NEUROD1: variants seen among roughly 807,000 people sequenced by gnomAD.
NEUROD1 encodes the protein neuronal differentiation 1.
A neutral mutation model predicts 21.8 loss-of-function variants in NEUROD1; 9 were observed. The observed-to-expected ratio is 0.41, with a 90% confidence interval of 0.25 to 0.72. The LOEUF is 0.72. Ranked by LOEUF, NEUROD1 falls within the 30% of genes least tolerant of loss-of-function variation. The pLI, the probability that NEUROD1 is intolerant of heterozygous loss-of-function variation, is 0.31. For synonymous variants in NEUROD1, 199 were observed against 186.2 expected (o/e 1.07, Z -0.56); for missense variants, 434 against 468.8 (o/e 0.93, Z 0.69).
downstream of NEUROD1, among the ~76,000 whole-genome samples, chr2:181,669,123 G>A (rs995364278): frequency 3.9e-5 from 6 of 151,978 alleles, no homozygotes; most frequent in Admixed American, 6.6e-5. Context: ...CCTCAATTTC[G>A]TCTTCACTAT....
In NEUROD1 at chr2:181,680,287, A is replaced by G. The variant is rs577229239; in HGVS notation, c.-12+143T>C. 2.0e-5 allele frequency: 3 copies of G among 152,360 alleles called. No individual in the cohort carries two copies. The East Asian group carries it at 5.8e-4, about 29-fold the overall frequency. The allele number at this position is 152,360 out of a possible 1,614,324, so 9.4% of individuals were successfully genotyped here. A position where few individuals can be genotyped will look rare whatever the true frequency, so the allele number is the denominator to read the frequency against. ...GTGACACGACTCATTATGTGTGAGT[A>G]CTTATGGGCAATTATGGAGGGGGAT... On this transcript the variant is annotated intron_variant, in intron 1 of 1. Transcript: ENST00000295108.
Position 181,677,565 on chromosome 2 carries a change from AT to A in NEUROD1, c.*224del. ...TTTTTAAACTTTACTGTATTTTTTT[AT>A]TTTTTAAATAGAAGAGCTATAGAAA... On this transcript the variant is annotated 3_prime_UTR_variant, in exon 2 of 2. Transcript: ENST00000295108. 2.9e-6 allele frequency: 2 copies of A among 691,594 alleles called. No individual in the cohort carries two copies. Among genetic ancestry groups the A allele is most frequent in the Admixed American group, 3.1e-5 (1 of 32,536 alleles). 42.8% of individuals were successfully genotyped at this position (691,594 alleles called of 1,614,324 possible). A position where few individuals can be genotyped will look rare whatever the true frequency, so the allele number is the denominator to read the frequency against.
At chr2:181,670,334 T>C (rs148554406), downstream of NEUROD1, among the ~76,000 whole-genome samples, 52 of 152,340 alleles carry the variant, frequency 3.4e-4, no homozygotes, top group East Asian at 9.4e-3. Flanking sequence ...AACTTTTATA[T>C]AATTCAGATG....
Position 181,677,844 on chromosome 2 carries a change from A to G in NEUROD1, c.1017T>C (p.His339=), listed in dbSNP as rs759825175. 6.2e-7 allele frequency: 1 copy of G among 1,614,204 alleles called. No homozygotes were observed. Among genetic ancestry groups the G allele is most frequent in the South Asian group, 1.1e-5 (1 of 91,082 alleles). The change falls in exon 2 of 2, where the codon CAT becomes CAC. Residue 339 remains histidine, a synonymous_variant. Coordinates refer to ENST00000295108, the MANE Select transcript of NEUROD1 (RefSeq NM_002500.5). ...CACTCATGACTCGCTCATGATGTGA[A>G]TGGCTATCGAAGGACATAATATTGT... ...PIDNIMSFDS[H]SHHERVMSAQ... is the part of the protein sequence containing the mutation.
Position 181,676,719 on chromosome 2 carries a change from A to G in NEUROD1, c.*1071T>C, listed in dbSNP as rs1688580418. 2 of 152,640 alleles carry G rather than the reference A, an allele frequency of 1.3e-5. No homozygotes were observed. Among genetic ancestry groups the G allele is most frequent in the South Asian group, 4.1e-4 (2 of 4,836 alleles). The allele number at this position is 152,640 out of a possible 1,614,324, so 9.5% of individuals were successfully genotyped here. ...ACTATAGATATAAATCCCAACATTA[A>G]CAACCTGATTAGATTTAGGCTCAGA... On this transcript the variant is annotated 3_prime_UTR_variant, in exon 2 of 2. Transcript: ENST00000295108.
chr2:181,671,877 C>T (rs896400884), downstream of NEUROD1, among the ~76,000 whole-genome samples: 1 of 152,146 alleles, frequency 6.6e-6, no homozygotes, highest in Non-Finnish European at 1.5e-5. Context: ...TTAAGCATTG[C>T]AATACCCCTT....
At chr2:181,679,058 G>T (rs949221959) in intron 1 of NEUROD1, among the ~76,000 whole-genome samples, 187 bp from the exon 2 acceptor site, 9 of 152,208 alleles carry the variant, frequency 5.9e-5, no homozygotes, top group African/African-American at 2.2e-4. Context: ...GCGTGCGTGT[G>T]CCCCGCTAGT....
chr2:181,672,914 G>GA (rs1286356442), downstream of NEUROD1, among the ~76,000 whole-genome samples: 2 of 152,170 alleles, frequency 1.3e-5, no homozygotes, highest in African/African-American at 4.8e-5. Flanking sequence ...CTTGTTAAAA[G>GA]AAAAGTCAGT....
At chr2:181,672,890 G>A (rs1227640781), downstream of NEUROD1, among the ~76,000 whole-genome samples, 1 of 152,176 alleles carries the variant, frequency 6.6e-6, no homozygotes, top group Non-Finnish European at 1.5e-5. Flanking sequence ...GTGTAAAGCA[G>A]GTTAGCTTTT....
chr2:181,671,676 C>A (rs1288338147), downstream of NEUROD1, among the ~76,000 whole-genome samples: 2 of 152,156 alleles, frequency 1.3e-5, no homozygotes, highest in Non-Finnish European at 2.9e-5. Context: ...AACTATCCAC[C>A]CCCATTGGCC....
chr2:181,671,027 A>G (rs2696349), exon 2 of NEUROD1, among the ~76,000 whole-genome samples: 28,181 of 86,424 alleles, frequency 0.33, 3,123 homozygotes, highest in African/African-American at 0.46. Context: ...ATATGTGTGC[A>G]CACACACACA....
chr2:181,675,296 G>C (rs1264798334), downstream of NEUROD1, among the ~76,000 whole-genome samples: 1 of 152,116 alleles, frequency 6.6e-6, no homozygotes. Flanking sequence ...TTTTTTTAAC[G>C]TCGAAGTATT....
At chr2:181,673,254 C>T (rs1285075271), downstream of NEUROD1, 3 of 152,194 alleles carry the variant, frequency 2.0e-5, no homozygotes, top group African/African-American at 7.2e-5. Context: ...TGGACCAAGC[C>T]TTAGTGTATG....
downstream of NEUROD1, among the ~76,000 whole-genome samples, chr2:181,674,307 A>C (rs1256255232): frequency 2.0e-5 from 3 of 152,234 alleles, no homozygotes; most frequent in Admixed American, 1.3e-4. Context: ...CAAGCATTAA[A>C]CAGCAAAACT....
chr2:181,678,394 A>C lies in NEUROD1; in HGVS notation c.467T>G (p.Ile156Ser). 2 of 1,614,166 alleles carry C rather than the reference A, an allele frequency of 1.2e-6. No individual in the cohort carries two copies. The highest frequency in any genetic ancestry group is 2.2e-5 in the South Asian group (2 of 91,076). The change falls in exon 2 of 2, where the codon ATC becomes AGC. Residue 156 changes from isoleucine to serine, a missense_variant. Coordinates refer to ENST00000295108, the MANE Select transcript of NEUROD1 (RefSeq NM_002500.5). The surrounding 1 kb of genome is among the most constrained non-coding windows in gnomAD (Gnocchi z 5.5). ...GTCTGGGCTTTTGCCTGAGCGCAGG[A>C]TCTCCGACAGAGCCCAGATGTAGTT... The part of the protein sequence containing the change: ...AKNYIWALSE[I>S]LRSGKSPDLV...
exon 2 of NEUROD1, among the ~76,000 whole-genome samples, chr2:181,670,686 T>G (rs1388756174): frequency 6.6e-6 from 1 of 152,126 alleles, no homozygotes; most frequent in African/African-American, 2.4e-5. Context: ...TGAGAATTCC[T>G]GTCTCTTTCC....
chr2:181,677,772 G>A lies in NEUROD1; in HGVS notation c.*18C>T. On this transcript the variant is annotated 3_prime_UTR_variant, in exon 2 of 2. Transcript: ENST00000295108. The stretch of plus-strand genomic sequence containing the variant: ...CACAGTGGGTTCGTTTCCCGGAAAT[G>A]GTGAAACTGGCGTGCCTCTAATCAT... The A allele has an allele frequency of 2.5e-6, 4 of 1,614,078 alleles. No homozygotes were observed. Among genetic ancestry groups the A allele is most frequent in the Middle Eastern group, 1.7e-4 (1 of 6,044 alleles).
chr2:181,674,942 A>G (rs1688547318), downstream of NEUROD1, among the ~76,000 whole-genome samples: 1 of 152,230 alleles, frequency 6.6e-6, no homozygotes, highest in Non-Finnish European at 1.5e-5. Flanking sequence ...CACTACAGCA[A>G]CAGATTTTAG....
chr2:181,669,007 C>G (rs1688459213), downstream of NEUROD1, among the ~76,000 whole-genome samples: 1 of 152,180 alleles, frequency 6.6e-6, no homozygotes, highest in Non-Finnish European at 1.5e-5. Flanking sequence ...TGCTAACATT[C>G]TCTCTTTCTA....
Sources: gnomAD v4.1 joint callset for allele counts (sites outside exome capture counted in the v4.1 genomes callset) on GRCh38, gnomAD v4.1.1 for gene constraint, Gnocchi (gnomAD v3.1) non-coding constraint, MANE v1.5 for transcripts, NCBI Gene and HGNC (gene_info 2026-07-23, HGNC 2026-07-21) for gene names.